Variants in CADM2 observed in about 807,000 individuals in gnomAD.
CADM2 encodes the protein cell adhesion molecule 2, also known as immunoglobulin superfamily member 4D.
A neutral mutation model predicts 49.8 loss-of-function variants in CADM2; 12 were observed. The ratio of observed to expected loss-of-function variants is 0.24; its 90% confidence interval spans 0.15 to 0.39. The LOEUF is 0.39. Among genes scored for constraint, CADM2 ranks in the 10% least tolerant of loss-of-function variants. The probability of loss-of-function intolerance (pLI) is 1.00; values close to 1 mark genes in which losing one functional copy is unlikely to be tolerated. For synonymous variants in CADM2, 214 were observed against 175.4 expected, an observed-to-expected ratio of 1.22 and a Z score of -1.74; for missense variants, 378 against 492.3, an observed-to-expected ratio of 0.77 and a Z score of 2.20.
chr3:85,507,801 A>G (rs1313373961), intron 1 of CADM2, among the ~76,000 whole-genome samples: 1 of 152,210 alleles, frequency 6.6e-6, no homozygotes, highest in Non-Finnish European at 1.5e-5. Context: ...AAAGTTAATA[A>G]GCATATCTGT....
intron 1 of CADM2, among the ~76,000 whole-genome samples, chr3:85,365,062 T>A (rs1400934775): frequency 1.3e-5 from 2 of 152,134 alleles, no homozygotes; most frequent in Non-Finnish European, 2.9e-5. Flanking sequence ...AATGAATGCT[T>A]TATTTTTATT....
chr3:85,947,909 T>C (rs1488563625), intron 7 of CADM2, among the ~76,000 whole-genome samples: 2 of 151,496 alleles, frequency 1.3e-5, no homozygotes, highest in African/African-American at 2.4e-5. Flanking sequence ...CATTTCCAGG[T>C]AAGCAGTTTT....
intron 2 of CADM2, among the ~76,000 whole-genome samples, chr3:85,727,889 G>A (rs1021967523): frequency 2.0e-5 from 3 of 152,104 alleles, no homozygotes; most frequent in African/African-American, 7.2e-5. Flanking sequence ...CTAAAGGTCT[G>A]GAAACAGGAG....
At chr3:85,106,727 G>T (rs1344281573) in intron 1 of CADM2, among the ~76,000 whole-genome samples, 1 of 152,114 alleles carries the variant, frequency 6.6e-6, no homozygotes, top group African/African-American at 2.4e-5. Flanking sequence ...GGGAAAATGT[G>T]ATGGCAGTGA....
At chr3:85,149,132 A>C (rs577785737) in intron 1 of CADM2, among the ~76,000 whole-genome samples, 6 of 152,194 alleles carry the variant, frequency 3.9e-5, no homozygotes, top group African/African-American at 1.2e-4. Flanking sequence ...AATTAGAAAA[A>C]TATTTTCCCC....
intron 1 of CADM2, among the ~76,000 whole-genome samples, chr3:85,694,163 T>TA (rs2066478858): frequency 6.6e-6 from 1 of 152,286 alleles, no homozygotes; most frequent in South Asian, 2.1e-4. Context: ...AACAGTGAGT[T>TA]AAAATAAAAA....
At chr3:86,017,513 T>A (rs1732436594) in intron 8 of CADM2, among the ~76,000 whole-genome samples, 1 of 152,068 alleles carries the variant, frequency 6.6e-6, no homozygotes, top group African/African-American at 2.4e-5. Flanking sequence ...CGCAGATCGC[T>A]TGAGCCAGGA....
rs2075988610 is a variant in CADM2 at position 85,873,020 on chromosome 3, A to G, written c.239-10271A>G. 2.6e-5 allele frequency among the ~76,000 whole-genome samples: 4 copies of G among 152,282 alleles called. No individual in the cohort carries two copies. The South Asian group carries it at 8.3e-4, about 32-fold the overall frequency. On this transcript the variant is annotated intron_variant, in intron 3 of 9. Transcript: ENST00000383699. ...CTCATGGTTCTGGAGGCTGAAGTGT[A>G]AGAACATGGTGCTGGCATCTGGCAA...
chr3:85,040,012 TCA>T (rs1338063027), intron 1 of CADM2, among the ~76,000 whole-genome samples: 1 of 152,182 alleles, frequency 6.6e-6, no homozygotes, highest in East Asian at 1.9e-4. Flanking sequence ...TCTAACATTC[TCA>T]GTTCATTGAA....
intron 1 of CADM2, among the ~76,000 whole-genome samples, chr3:85,628,034 G>A (rs1017596882): frequency 1.3e-5 from 2 of 151,960 alleles, no homozygotes; most frequent in Admixed American, 6.6e-5. Flanking sequence ...GTGTTGGGCC[G>A]AACAGTATGA....
intron 8 of CADM2, among the ~76,000 whole-genome samples, chr3:86,006,771 T>C (rs1343309707): frequency 6.6e-6 from 1 of 152,142 alleles, no homozygotes; most frequent in East Asian, 1.9e-4. Flanking sequence ...CTGGGCGTGG[T>C]GGCTCACACC....
At chr3:85,029,751 A>G (rs1180972586) in intron 1 of CADM2, among the ~76,000 whole-genome samples, 1 of 152,184 alleles carries the variant, frequency 6.6e-6, no homozygotes, top group East Asian at 1.9e-4. Flanking sequence ...TCATCTCTCT[A>G]CAAACTCTTG....
At chr3:85,326,227 A>G (rs1052064663) in intron 1 of CADM2, among the ~76,000 whole-genome samples, 1 of 152,148 alleles carries the variant, frequency 6.6e-6, no homozygotes, top group Non-Finnish European at 1.5e-5. Flanking sequence ...TGTTTTGTGT[A>G]TATTTAAGTG....
At chr3:85,556,264 A>C (rs1008545406) in intron 1 of CADM2, among the ~76,000 whole-genome samples, 1 of 152,012 alleles carries the variant, frequency 6.6e-6, no homozygotes, top group South Asian at 2.1e-4. Context: ...CGTATGGGGG[A>C]GGTTGGTCAT....
At chr3:85,801,271 C>T (rs1323707876) in intron 2 of CADM2, among the ~76,000 whole-genome samples, 1 of 152,016 alleles carries the variant, frequency 6.6e-6, no homozygotes, top group Admixed American at 6.6e-5. Context: ...TTAAGAAGAG[C>T]AAAACCTTGA....
chr3:85,859,171 G>T (rs1026736442), intron 3 of CADM2, among the ~76,000 whole-genome samples: 1 of 142,988 alleles, frequency 7.0e-6, no homozygotes, highest in African/African-American at 2.6e-5. Context: ...CTTTCTGTAT[G>T]TAAACATAAC....
At chr3:85,353,589 C>T (rs1357862099) in intron 1 of CADM2, among the ~76,000 whole-genome samples, 1 of 147,912 alleles carries the variant, frequency 6.8e-6, no homozygotes, top group African/African-American at 2.5e-5. Flanking sequence ...CAAAGTGAAT[C>T]ATTATTAAGG....
chr3:85,383,828 T>C, intron 1 of CADM2, among the ~76,000 whole-genome samples: 1 of 152,036 alleles, frequency 6.6e-6, no homozygotes, highest in East Asian at 1.9e-4. Context: ...CATTCCTTTG[T>C]TGATTTCCAC....
intron 5 of CADM2, among the ~76,000 whole-genome samples, chr3:85,890,353 T>TACATAAGATA (rs1473334836): frequency 6.6e-6 from 1 of 152,156 alleles, no homozygotes; most frequent in African/African-American, 2.4e-5. Context: ...ATCTACATTT[T>TACATAAGATA]ACATAAGATA....
Sources: gnomAD v4.1 joint callset for allele counts (sites outside exome capture counted in the v4.1 genomes callset) on GRCh38, gnomAD v4.1.1 for gene constraint, MANE v1.5 for transcripts, NCBI Gene and HGNC (gene_info 2026-07-23, HGNC 2026-07-21) for gene names.